SUPT3H: variants seen among roughly 807,000 people sequenced by gnomAD.
The protein encoded by SUPT3H is SPT3 homolog, SAGA and STAGA complex component.
SUPT3H carries 44 observed loss-of-function variants against 44.3 expected under a neutral mutation model. That is an observed-to-expected ratio of 0.99 (90% CI 0.78 to 1.28). The LOEUF (loss-of-function observed/expected upper bound fraction) is 1.28. Among genes scored for constraint, SUPT3H ranks in the 50% most tolerant of loss-of-function variants. The probability of loss-of-function intolerance (pLI) is 0.00; values close to 1 mark genes in which losing one functional copy is unlikely to be tolerated. For missense variants in SUPT3H, 380 were observed against 387.1 expected, an observed-to-expected ratio of 0.98 and a Z score of 0.15; for synonymous variants, 124 against 125.6, an observed-to-expected ratio of 0.99 and a Z score of 0.09.
chr6:44,997,559 G>A (rs1007891889), intron 6 of SUPT3H, among the ~76,000 whole-genome samples: 3 of 151,794 alleles, frequency 2.0e-5, no homozygotes, highest in Middle Eastern at 6.3e-3. Context: ...ACTGGCTTCA[G>A]TACTTTTTAC....
rs1258343085 is a variant in SUPT3H, at chr6:45,130,722, T to TG, written c.102-24717_102-24716insC. On this transcript the variant is annotated intron_variant, in intron 2 of 10. Coordinates refer to ENST00000371459, the MANE Select transcript of SUPT3H (RefSeq NM_003599.4). Reference sequence around the variant, plus strand: ...CAAAAAAAAAAACCACTTTTTTTTTTTTTTTTTTTTTTCAGATGGAGTTTT... The same window carrying TG: ...CAAAAAAAAAAACCACTTTTTTTTTTGTTTTTTTTTTTTCAGATGGAGTTTT... 4.3e-3 allele frequency among the ~76,000 whole-genome samples: 606 copies of TG among 142,268 alleles called. 16 individuals carry two copies. The highest frequency in any genetic ancestry group is 0.015 in the African/African-American group (586 of 38,568). The allele number at this position is 142,268 out of a possible 152,430, so 93.3% of individuals were successfully genotyped here.
At chr6:45,274,949 ATTT>A (rs537711151) in intron 2 of SUPT3H, among the ~76,000 whole-genome samples, 1 of 151,914 alleles carries the variant, frequency 6.6e-6, no homozygotes. Flanking sequence ...TGATGCTTTG[ATTT>A]TTTTCTTTTT....
chr6:44,821,971 G>A (rs1161256205), downstream of SUPT3H, among the ~76,000 whole-genome samples: 22 of 152,142 alleles, frequency 1.4e-4, no homozygotes, highest in Non-Finnish European at 1.5e-5. Flanking sequence ...TTTAAAAAAA[G>A]GTAGTGTCAA....
chr6:45,078,431 T>G (rs1018099102), intron 3 of SUPT3H, among the ~76,000 whole-genome samples: 2 of 152,234 alleles, frequency 1.3e-5, no homozygotes, highest in African/African-American at 4.8e-5. Context: ...ATTAGTTGAC[T>G]GAAAGATTTA....
chr6:45,107,493 C>T (rs868367305), intron 2 of SUPT3H, among the ~76,000 whole-genome samples: 1 of 151,836 alleles, frequency 6.6e-6, no homozygotes, highest in African/African-American at 2.4e-5. Context: ...CTACCTCACC[C>T]GAAGCTTTGA....
intron 2 of SUPT3H, among the ~76,000 whole-genome samples, chr6:45,179,311 T>C (rs1442769095): frequency 2.0e-5 from 3 of 152,140 alleles, no homozygotes; most frequent in Non-Finnish European, 4.4e-5. Context: ...AAGGAGGAAC[T>C]GGTACCATTC....
chr6:45,365,353 A>G (rs770513582), intron 1 of SUPT3H, 52 bp from the exon 2 acceptor site: 3 of 1,208,678 alleles, frequency 2.5e-6, no homozygotes, highest in South Asian at 2.7e-5. Flanking sequence ...CTATAAGTAA[A>G]TGCAAAAAAA....
intron 3 of SUPT3H, among the ~76,000 whole-genome samples, chr6:45,053,467 G>A (rs1172237535): frequency 6.6e-6 from 1 of 151,980 alleles, no homozygotes; most frequent in African/African-American, 2.4e-5. Flanking sequence ...CAGCATTTGA[G>A]AAAACAGTAT....
intron 1 of SUPT3H, among the ~76,000 whole-genome samples, chr6:45,368,327 A>G (rs1290255582): frequency 1.3e-5 from 2 of 152,200 alleles, no homozygotes; most frequent in African/African-American, 2.4e-5. Context: ...AGCTAATATT[A>G]TAACACACCT....
chr6:44,944,369 G>T (rs1772943502), intron 9 of SUPT3H, among the ~76,000 whole-genome samples: 1 of 152,014 alleles, frequency 6.6e-6, no homozygotes, highest in Non-Finnish European at 1.5e-5. Context: ...TAAACAGTAA[G>T]AGAGGAAATA....
At chr6:45,198,327 T>C (rs1175539320) in intron 2 of SUPT3H, among the ~76,000 whole-genome samples, 1 of 151,380 alleles carries the variant, frequency 6.6e-6, no homozygotes, top group Non-Finnish European at 1.5e-5. Flanking sequence ...AAGGTATAAA[T>C]GTCTACCTCA....
chr6:45,106,540 T>TA lies in SUPT3H; in HGVS notation c.102-535_102-534insT, dbSNP rs200578335. Among the ~76,000 whole-genome samples, 858 of 151,984 alleles carry TA rather than the reference T, an allele frequency of 5.6e-3. 8 individuals are homozygous for TA. The highest frequency in any genetic ancestry group is 0.019 in the African/African-American group (778 of 41,448). On this transcript the variant is annotated intron_variant, in intron 2 of 10. Transcript: ENST00000371459. Reference sequence around the variant, plus strand: ...TTTCTGGATTCGTACAGTTTTTATTTTTTTTATTTTTTTTGAGACAGAGTC... The same window carrying TA: ...TTTCTGGATTCGTACAGTTTTTATTTATTTTTATTTTTTTTGAGACAGAGTC...
At chr6:44,923,166 A>G in intron 10 of SUPT3H, among the ~76,000 whole-genome samples, 1 of 152,282 alleles carries the variant, frequency 6.6e-6, no homozygotes, top group South Asian at 2.1e-4. Context: ...TGTTATAACA[A>G]AAATAGATTT....
chr6:45,124,247 A>G (rs1335212939), intron 2 of SUPT3H, among the ~76,000 whole-genome samples: 2 of 150,210 alleles, frequency 1.3e-5, no homozygotes, highest in African/African-American at 5.0e-5. Flanking sequence ...AGTAACTGCA[A>G]GAAAACTGTT....
chr6:44,896,718 A>T (rs1764181049), intron 10 of SUPT3H, among the ~76,000 whole-genome samples: 1 of 152,176 alleles, frequency 6.6e-6, no homozygotes, highest in South Asian at 2.1e-4. Context: ...TATTTCACTT[A>T]TATGTATAAA....
At chr6:45,065,126 C>A (rs1793021055) in intron 3 of SUPT3H, among the ~76,000 whole-genome samples, 1 of 151,634 alleles carries the variant, frequency 6.6e-6, no homozygotes, top group African/African-American at 2.4e-5. Flanking sequence ...GACCACAGTG[C>A]AATCAAACTA....
chr6:45,237,150 T>C (rs112342878), intron 2 of SUPT3H, among the ~76,000 whole-genome samples: 3,166 of 152,252 alleles, frequency 0.021, 43 homozygotes, highest in Non-Finnish European at 0.032. Flanking sequence ...AAGCAGCTTA[T>C]TGGGTGAATC....
At chr6:45,207,795 C>G (rs1382580840) in intron 2 of SUPT3H, among the ~76,000 whole-genome samples, 3 of 152,142 alleles carry the variant, frequency 2.0e-5, no homozygotes, top group Non-Finnish European at 2.9e-5. Context: ...TATATTCTGA[C>G]TACTCTACCA....
chr6:45,292,792 C>T (rs971353863), intron 2 of SUPT3H, among the ~76,000 whole-genome samples: 1 of 109,100 alleles, frequency 9.2e-6, no homozygotes, highest in Non-Finnish European at 2.0e-5. Flanking sequence ...TATCACAATC[C>T]TAAAAATACA....
Sources: gnomAD v4.1 joint callset for allele counts (sites outside exome capture counted in the v4.1 genomes callset) on GRCh38, gnomAD v4.1.1 for gene constraint, MANE v1.5 for transcripts, NCBI Gene and HGNC (gene_info 2026-07-23, HGNC 2026-07-21) for gene names.